The following AQR variants were observed in gnomAD, a reference collection of about 807,000 sequenced individuals.
AQR encodes RNA helicase aquarius.
In AQR, 61 loss-of-function variants were observed where a neutral mutation model predicts 180.5. That is an observed-to-expected ratio of 0.34 (90% CI 0.28 to 0.42). The LOEUF (loss-of-function observed/expected upper bound fraction) is 0.42. Ranked by LOEUF, AQR falls within the 10% of genes least tolerant of loss-of-function variation. The pLI is 1.00. For synonymous variants in AQR, 551 were observed against 588.8 expected (o/e 0.94, Z 0.93); for missense variants, 1,281 against 1,798.3 (o/e 0.71, Z 5.20).
rs1012614109 is a variant in AQR, at chr15:34,904,285, A to C, written c.2001+51T>G. The C allele has an allele frequency of 3.7e-6, 5 of 1,334,110 alleles. No individual in the cohort carries two copies. The African/African-American group carries it at 7.5e-5, about 20-fold the overall frequency. The allele number at this position is 1,334,110 out of a possible 1,614,324, so 82.6% of individuals were successfully genotyped here. A position where few individuals can be genotyped will look rare whatever the true frequency, so the allele number is the denominator to read the frequency against. ...AAATATCTCTGTATTTATGTCATAA[A>C]AGTTACTTAAATTATGACATAGTAC... On this transcript the variant is annotated intron_variant, in intron 19 of 34. Coordinates refer to ENST00000156471, the MANE Select transcript of AQR (RefSeq NM_014691.3).
At chr15:34,948,522 G>T in intron 4 of AQR, 138 bp from the exon 5 acceptor site, 2 of 1,161,802 alleles carry the variant, frequency 1.7e-6, no homozygotes, top group South Asian at 1.6e-5. Flanking sequence ...TGGAATCCTT[G>T]GCTGGGTGTG....
At chr15:34,928,524 T>A (rs1355310771) in intron 12 of AQR, among the ~76,000 whole-genome samples, 1 of 152,210 alleles carries the variant, frequency 6.6e-6, no homozygotes, top group Non-Finnish European at 1.5e-5. Context: ...AAGGACATGA[T>A]CTCATTCCTT....
intron 23 of AQR, among the ~76,000 whole-genome samples, chr15:34,891,381 T>TTTTTTGTAG (rs1347359693): frequency 6.6e-6 from 1 of 152,298 alleles, no homozygotes; most frequent in East Asian, 1.9e-4. Context: ...AACTACATGA[T>TTTTTTGTAG]TTCATTGTGA....
At position 34,853,553 on chromosome 15, in the gene AQR, A is replaced by C. The variant is rs890897710; in HGVS notation, c.*3239T>G. The stretch of plus-strand genomic sequence containing the variant: ...TCCCAAATCAGTAACCTGATCCTAG[A>C]TAGATCCTCAAAGGTCAACTGCCAC... On this transcript the variant is annotated 3_prime_UTR_variant, in exon 35 of 35. Coordinates refer to ENST00000156471, the MANE Select transcript of AQR (RefSeq NM_014691.3). The C allele has an allele frequency of 6.6e-6, 1 of 152,198 alleles. No individual in the cohort carries two copies. The highest frequency in any genetic ancestry group is 2.1e-4 in the South Asian group (1 of 4,834). The allele number at this position is 152,198 out of a possible 1,614,324, so 9.4% of individuals were successfully genotyped here. A position where few individuals can be genotyped will look rare whatever the true frequency, so the allele number is the denominator to read the frequency against.
intron 20 of AQR, among the ~76,000 whole-genome samples, chr15:34,899,900 T>G (rs750726171): frequency 6.6e-6 from 1 of 152,148 alleles, no homozygotes; most frequent in Non-Finnish European, 1.5e-5. Context: ...TGTATTTATT[T>G]TATTTATTTA....
chr15:34,900,938 T>G, intron 19 of AQR, 75 bp from the exon 20 acceptor site: 1 of 1,493,360 alleles, frequency 6.7e-7, no homozygotes, highest in African/African-American at 1.4e-5. Flanking sequence ...AATGCAGAGC[T>G]GGCTGCACTA....
intron 13 of AQR, among the ~76,000 whole-genome samples, chr15:34,923,215 A>C (rs1332101951): frequency 6.6e-6 from 1 of 152,154 alleles, no homozygotes; most frequent in Non-Finnish European, 1.5e-5. Flanking sequence ...TTTACATTAC[A>C]TGTAAAAACA....
chr15:34,926,937 A>C, intron 13 of AQR, 98 bp downstream of exon 13: 1 of 618,712 alleles, frequency 1.6e-6, no homozygotes, highest in South Asian at 3.8e-5. Flanking sequence ...AAGTAATATT[A>C]TCTAAAGTAC....
At position 34,927,117 on chromosome 15, in the gene AQR, GA is replaced by G; in HGVS notation, c.1035del (p.Pro346LeufsTer14). 7 of 1,582,634 alleles carry G rather than the reference GA, an allele frequency of 4.4e-6. No individual in the cohort carries two copies. Among genetic ancestry groups the G allele is most frequent in the Middle Eastern group, 1.7e-4 (1 of 5,922 alleles). On this transcript the variant is annotated frameshift_variant, in exon 13 of 35. Coordinates refer to ENST00000156471, the MANE Select transcript of AQR (RefSeq NM_014691.3). LOFTEE classifies it high-confidence loss of function. Reference protein sequence around the residue: ...TSLQRAAFAHFPELYDFALSN... With the variant: ...TSLQRAAFAHXPELYDFALSN... ...GAGAGGGCAAAATCATAGAGTTCAGGAAAATGTGCAAAAGCAGCTCTCTAGA... is the reference window on the plus strand; with the variant it reads ...GAGAGGGCAAAATCATAGAGTTCAGGAAATGTGCAAAAGCAGCTCTCTAGA...
At position 34,856,808 on chromosome 15, in the gene AQR, G is replaced by A. The variant is rs192419915; in HGVS notation, c.4442C>T (p.Pro1481Leu). The A allele has an allele frequency of 4.6e-4, 729 of 1,569,024 alleles. 2 individuals are homozygous for A. In the African/African-American group the frequency reaches 9.1e-3, roughly 20 times the overall value. Residue 1481 changes from proline to leucine, a missense_variant, in exon 35 of 35, where the codon CCG (proline) becomes CTG (leucine). Transcript: ENST00000156471. ...ACAGTTTGGCTACTTGGTCTCTTCC[G>A]GGGCAGATGTGGCATCCTGAGGTGT... Reference protein sequence around the residue: ...ANTPQDATSAPEETK With the variant: ...ANTPQDATSALEETK
chr15:34,952,876 A>G lies in AQR; in HGVS notation c.209+9T>C. 6.8e-7 allele frequency: 1 copy of G among 1,467,178 alleles called. No homozygotes were observed. The highest frequency in any genetic ancestry group is 9.4e-7 in the Non-Finnish European group (1 of 1,065,176). 90.9% of individuals were successfully genotyped at this position (1,467,178 alleles called of 1,614,324 possible). On this transcript the variant is annotated intron_variant, in intron 4 of 34. Coordinates refer to ENST00000156471, the MANE Select transcript of AQR (RefSeq NM_014691.3). ...ATCTCTTTCATCAATGGAATGCCTTATAACTTACCTAAATTCCAAGAGCAT... is the reference window on the plus strand; with the variant it reads ...ATCTCTTTCATCAATGGAATGCCTTGTAACTTACCTAAATTCCAAGAGCAT...
intron 3 of AQR, among the ~76,000 whole-genome samples, chr15:34,959,139 T>A (rs572665237): frequency 6.6e-6 from 1 of 152,262 alleles, no homozygotes; most frequent in South Asian, 2.1e-4. Context: ...AGGTGGCTAA[T>A]ACAAAGTAGG....
chr15:34,943,002 C>A, intron 6 of AQR: 12 of 1,443,032 alleles, frequency 8.3e-6, no homozygotes, highest in Non-Finnish European at 1.1e-5. Context: ...AAAATCACAT[C>A]TATTTATATT....
chr15:34,893,102 A>G (rs1893175535), intron 23 of AQR, among the ~76,000 whole-genome samples: 1 of 152,294 alleles, frequency 6.6e-6, no homozygotes, highest in Admixed American at 6.5e-5. Context: ...CAAGTGCTCA[A>G]TGCTGCAAGG....
chr15:34,935,358 A>G (rs1271988884), intron 9 of AQR, among the ~76,000 whole-genome samples: 1 of 152,156 alleles, frequency 6.6e-6, no homozygotes, highest in Admixed American at 6.5e-5. Context: ...TTTGCCAACT[A>G]AAACCATCCT....
At chr15:34,882,742 A>C (rs2140467398) in intron 26 of AQR, 103 bp from the exon 27 acceptor site, 1 of 1,058,412 alleles carries the variant, frequency 9.4e-7, no homozygotes, top group Admixed American at 2.8e-5. Context: ...TAACATAAAT[A>C]TATTATAAAC....
chr15:34,876,188 T>C (rs372409950), intron 27 of AQR, among the ~76,000 whole-genome samples, 182 bp from the exon 28 acceptor site: 1 of 152,204 alleles, frequency 6.6e-6, no homozygotes, highest in African/African-American at 2.4e-5. Flanking sequence ...TACTTATCAT[T>C]ATGCCTCTGC....
At position 34,908,110 on chromosome 15, in the gene AQR, G is replaced by A. The variant is rs78071743; in HGVS notation, c.1664-1398C>T. On this transcript the variant is annotated intron_variant, in intron 17 of 34. Coordinates refer to ENST00000156471, the MANE Select transcript of AQR (RefSeq NM_014691.3). Reference sequence around the variant, plus strand: ...TCACACCTTTTCAAAGGGACAAAAGGAATGTTTTATGGTATTTAGTTTAAT... The same window carrying A: ...TCACACCTTTTCAAAGGGACAAAAGAAATGTTTTATGGTATTTAGTTTAAT... Among the ~76,000 whole-genome samples, 1,255 of 152,228 alleles carry A rather than the reference G, an allele frequency of 8.2e-3. 14 individuals carry two copies. Among genetic ancestry groups the A allele is most frequent in the Middle Eastern group, 0.014 (4 of 292 alleles).
intron 11 of AQR, 47 bp from the exon 12 acceptor site, chr15:34,930,418 A>G: frequency 9.3e-7 from 1 of 1,078,584 alleles, no homozygotes; most frequent in South Asian, 1.3e-5. Flanking sequence ...CATAAGGGCA[A>G]GAAAGCACAA....
Sources: gnomAD v4.1 joint callset for allele counts (sites outside exome capture counted in the v4.1 genomes callset) on GRCh38, gnomAD v4.1.1 for gene constraint, MANE v1.5 for transcripts, NCBI Gene and HGNC (gene_info 2026-07-23, HGNC 2026-07-21) for gene names.